The following MIB1 variants were observed in gnomAD, a reference collection of about 807,000 sequenced individuals.
MIB1 encodes the protein E3 ubiquitin-protein ligase MIB1.
In MIB1, 278 loss-of-function variants were observed where a neutral mutation model predicts 124.5. The ratio of observed to expected loss-of-function variants is 2.23; its 90% CI spans 2.02 to 2.47. The LOEUF is 2.47. Ranked by LOEUF, MIB1 falls within the 30% of genes most tolerant of loss-of-function variation. The probability of loss-of-function intolerance (pLI) is 0.00; values close to 1 mark genes in which losing one functional copy is unlikely to be tolerated. For synonymous variants in MIB1, 446 were observed against 429.4 expected (o/e 1.04, Z -0.48); for missense variants, 957 against 1,254.4 (o/e 0.76, Z 3.58).
At chr18:21,821,893 G>T (rs150238161) in intron 12 of MIB1, among the ~76,000 whole-genome samples, 1 of 152,094 alleles carries the variant, frequency 6.6e-6, no homozygotes, top group African/African-American at 2.4e-5. Flanking sequence ...GAGCCACCGC[G>T]CCCTTCCTCT....
intron 1 of MIB1, among the ~76,000 whole-genome samples, chr18:21,718,790 G>T (rs2040701231): frequency 1.3e-5 from 2 of 152,236 alleles, no homozygotes; most frequent in Non-Finnish European, 2.9e-5. Flanking sequence ...GCTGGGTGCA[G>T]TGGCTCATGC....
At chr18:21,831,095 C>CT (rs2048531612) in intron 12 of MIB1, 1 of 135,406 alleles carries the variant, frequency 7.4e-6, no homozygotes, top group Non-Finnish European at 1.6e-5. Flanking sequence ...ATTTTATAGT[C>CT]TAAAAAAGAC....
chr18:21,800,705 G>A (rs2041641240), intron 9 of MIB1, among the ~76,000 whole-genome samples: 2 of 152,012 alleles, frequency 1.3e-5, no homozygotes, highest in Admixed American at 1.3e-4. Context: ...ATGTTTGTTT[G>A]TTTTTAAGTA....
chr18:21,838,366 G>A lies in MIB1; in HGVS notation c.1831G>A (p.Ala611Thr). The change falls in exon 13 of 21, where the codon GCA (alanine) becomes ACA (threonine). Residue 611 changes from alanine (A) to threonine (T), a missense_variant and splice_region_variant. Ala to Thr is a moderately conservative substitution (Grantham distance 58). Transcript: ENST00000261537. Reference sequence around the variant, plus strand: ...AAATAATGTGAATTTAACTTTCAGTGCAATGCGTGTTTTACTATCTAAATT... The same window carrying A: ...AAATAATGTGAATTTAACTTTCAGTACAATGCGTGTTTTACTATCTAAATT... ...HHAALRGNPS[A>T]MRVLLSKLPR... 1 of 1,582,714 alleles carries A rather than the reference G, an allele frequency of 6.3e-7. No homozygotes were observed. Among genetic ancestry groups the A allele is most frequent in the Non-Finnish European group, 8.6e-7 (1 of 1,163,878 alleles).
intron 1 of MIB1, among the ~76,000 whole-genome samples, chr18:21,708,963 C>G (rs1357927265): frequency 6.6e-6 from 1 of 152,118 alleles, no homozygotes; most frequent in East Asian, 1.9e-4. Flanking sequence ...TATGTGATAG[C>G]TGATGAAACT....
chr18:21,731,733 CAAAAAAAAA>C (rs1229088832), intron 1 of MIB1, among the ~76,000 whole-genome samples: 1 of 35,896 alleles, frequency 2.8e-5, no homozygotes, highest in African/African-American at 1.1e-4. Flanking sequence ...CCCCGTCTCA[CAAAAAAAAA>C]AAAAAAAAAA....
chr18:21,711,124 G>A (rs1207881271), intron 1 of MIB1, among the ~76,000 whole-genome samples: 1 of 152,076 alleles, frequency 6.6e-6, no homozygotes, highest in Non-Finnish European at 1.5e-5. Flanking sequence ...ACTGAACTTG[G>A]CCTAATTGGC....
At chr18:21,810,783 T>C (rs1309753086) in intron 10 of MIB1, among the ~76,000 whole-genome samples, 1 of 151,934 alleles carries the variant, frequency 6.6e-6, no homozygotes, top group Non-Finnish European at 1.5e-5. Context: ...TAAACCTTTT[T>C]GAAGAAAAAG....
At chr18:21,790,833 G>A (rs1009665511) in intron 6 of MIB1, among the ~76,000 whole-genome samples, 3 of 152,150 alleles carry the variant, frequency 2.0e-5, no homozygotes, top group Admixed American at 6.5e-5. Context: ...ATAGACAAAC[G>A]TATACCAAAG....
intron 1 of MIB1, among the ~76,000 whole-genome samples, chr18:21,715,874 A>G (rs1050208701): frequency 2.0e-5 from 3 of 152,220 alleles, no homozygotes; most frequent in African/African-American, 7.2e-5. Context: ...ATATTAAATG[A>G]CCAAACTTAA....
intron 2 of MIB1, among the ~76,000 whole-genome samples, chr18:21,767,968 C>T (rs151062406): frequency 9.8e-5 from 15 of 152,292 alleles, no homozygotes; most frequent in African/African-American, 2.9e-4. Context: ...ACTGGGCTTA[C>T]GTTTGTTCTT....
rs2042347917 is a variant in MIB1 at position 21,870,579 on chromosome 18, A to G, written c.*5913A>G. ...AACTCAGATGTAGATTTCATTTTCA[A>G]GAGGTAGATATTTTAAAGCAATGAT... On this transcript the variant is annotated 3_prime_UTR_variant, in exon 21 of 21. Coordinates refer to ENST00000261537, the MANE Select transcript of MIB1 (RefSeq NM_020774.4). 1 of 152,206 alleles carries G rather than the reference A, an allele frequency of 6.6e-6. No homozygotes were observed. Among genetic ancestry groups the G allele is most frequent in the Non-Finnish European group, 1.5e-5 (1 of 68,028 alleles). 9.4% of individuals were successfully genotyped at this position (152,206 alleles called of 1,614,324 possible).
At chr18:21,794,813 T>C (rs1377993777) in intron 7 of MIB1, among the ~76,000 whole-genome samples, 2 of 152,102 alleles carry the variant, frequency 1.3e-5, no homozygotes, top group Non-Finnish European at 2.9e-5. Flanking sequence ...TTTAAGATAC[T>C]CAAGGAAAGA....
At chr18:21,751,970 CTG>C (rs1170139071) in intron 1 of MIB1, among the ~76,000 whole-genome samples, 2 of 152,142 alleles carry the variant, frequency 1.3e-5, no homozygotes, top group Non-Finnish European at 2.9e-5. Context: ...TTTTGGGACT[CTG>C]TGTGTTTGTG....
chr18:21,753,720 AGGCTGGAGTGCAGT>A (rs1232985437), intron 1 of MIB1, among the ~76,000 whole-genome samples: 3 of 151,784 alleles, frequency 2.0e-5, no homozygotes, highest in African/African-American at 7.3e-5. Flanking sequence ...CTTGTTGCCC[AGGCTGGAGTGCAGT>A]GGCGCGATCT....
chr18:21,823,652 T>A (rs1428060218), intron 12 of MIB1, among the ~76,000 whole-genome samples: 2 of 152,140 alleles, frequency 1.3e-5, no homozygotes, highest in African/African-American at 4.8e-5. Flanking sequence ...TTTAGAATTG[T>A]GGAAGGGAAT....
In MIB1 at chr18:21,756,610, G is replaced by A. The variant is rs149249589; in HGVS notation, c.230-9162G>A. ...CTCCCAGGTAGCTGGGATCACAGGC[G>A]TACACCACCGTGGCCGGCAAATTTT... On this transcript the variant is annotated intron_variant, in intron 1 of 20. Transcript: ENST00000261537. Among the ~76,000 whole-genome samples the A allele has an allele frequency of 1.5e-3, 232 of 152,126 alleles. 2 individuals are homozygous for A. The highest frequency in any genetic ancestry group is 5.3e-3 in the African/African-American group (219 of 41,498).
At position 21,745,793 on chromosome 18, in the gene MIB1, G is replaced by A. The variant is rs1228578286; in HGVS notation, c.229+3981G>A. ...GTGACCTCGGCTCACTGCAACCTCC[G>A]TCCCCCAGGTTCAAGCAATTCTCCT... On this transcript the variant is annotated intron_variant, in intron 1 of 20. Transcript: ENST00000261537. Among the ~76,000 whole-genome samples, 5 of 151,778 alleles carry A rather than the reference G, an allele frequency of 3.3e-5. No homozygotes were observed. The East Asian group carries it at 5.8e-4, about 18-fold the overall frequency.
chr18:21,713,745 A>C (rs998259335), intron 1 of MIB1, among the ~76,000 whole-genome samples: 5 of 140,064 alleles, frequency 3.6e-5, no homozygotes, highest in Admixed American at 7.2e-5. Context: ...CCATGCCTGC[A>C]CCCCTCTCCT....
Sources: gnomAD v4.1 joint callset for allele counts (sites outside exome capture counted in the v4.1 genomes callset) on GRCh38, gnomAD v4.1.1 for gene constraint, MANE v1.5 for transcripts, NCBI Gene and HGNC (gene_info 2026-07-23, HGNC 2026-07-21) for gene names.